GRIN2B: variants seen among roughly 807,000 people sequenced by gnomAD.
GRIN2B encodes glutamate ionotropic receptor NMDA type subunit 2B.
A neutral mutation model predicts 114.5 loss-of-function variants in GRIN2B; 5 were observed. The ratio of observed to expected loss-of-function variants is 0.04; its 90% CI spans 0.02 to 0.09. The LOEUF (loss-of-function observed/expected upper bound fraction) is 0.09. Among genes scored for constraint, GRIN2B ranks in the 10% least tolerant of loss-of-function variants. The pLI, the probability that GRIN2B is intolerant of heterozygous loss-of-function variation, is 1.00. For missense variants in GRIN2B, 1,108 were observed against 1,943.5 expected, an observed-to-expected ratio of 0.57 and a Z score of 8.08; for synonymous variants, 787 against 745.1, an observed-to-expected ratio of 1.06 and a Z score of -0.92.
In GRIN2B at chr12:13,903,421, C is replaced by T. The variant is rs188976406; in HGVS notation, c.-18-37195G>A. On this transcript the variant is annotated intron_variant, in intron 2 of 13. Transcript: ENST00000609686. ...GCAACCTACATATAATGATATGTAG[C>T]ATTTTAGTTATTGTTCAATTCGAAA... is the stretch of plus-strand genomic sequence containing the variant. Among the ~76,000 whole-genome samples the T allele has an allele frequency of 1.4e-3, 210 of 152,126 alleles. 2 individuals carry two copies. The highest frequency in any genetic ancestry group is 0.01 in the Admixed American group (154 of 15,268).
chr12:13,966,919 C>T (rs1867798031), intron 2 of GRIN2B, among the ~76,000 whole-genome samples: 1 of 152,044 alleles, frequency 6.6e-6, no homozygotes, highest in African/African-American at 2.4e-5. Flanking sequence ...GAACATAAAC[C>T]CTGGCACTAT....
At chr12:13,721,937 AAG>A (rs1261097201) in intron 4 of GRIN2B, among the ~76,000 whole-genome samples, 1 of 152,164 alleles carries the variant, frequency 6.6e-6, no homozygotes, top group African/African-American at 2.4e-5. Context: ...GTAAAATCAC[AAG>A]AGTGTAGCTT....
chr12:13,899,987 T>C (rs1055490648), intron 2 of GRIN2B, among the ~76,000 whole-genome samples: 4 of 152,184 alleles, frequency 2.6e-5, no homozygotes, highest in Non-Finnish European at 5.9e-5. Context: ...AACAGGCATA[T>C]TTTACCACTC....
At chr12:13,869,065 C>T (rs1434376526) in intron 2 of GRIN2B, among the ~76,000 whole-genome samples, 1 of 152,110 alleles carries the variant, frequency 6.6e-6, no homozygotes, top group Non-Finnish European at 1.5e-5. Flanking sequence ...CCTTTGGGCT[C>T]TCACCATAGC....
intron 5 of GRIN2B, among the ~76,000 whole-genome samples, chr12:13,641,498 C>A (rs1469385411): frequency 6.6e-6 from 1 of 152,016 alleles, no homozygotes; most frequent in African/African-American, 2.4e-5. Context: ...TTCCTTTTGC[C>A]CTTGTCTTTA....
intron 13 of GRIN2B, among the ~76,000 whole-genome samples, chr12:13,566,752 T>C (rs761318280): frequency 1.3e-5 from 2 of 152,188 alleles, no homozygotes; most frequent in Non-Finnish European, 2.9e-5. Flanking sequence ...AAAAGCCAAA[T>C]TTTCCATTTT....
intron 10 of GRIN2B, among the ~76,000 whole-genome samples, chr12:13,604,758 T>C (rs761472791): frequency 6.6e-6 from 1 of 152,188 alleles, no homozygotes; most frequent in Non-Finnish European, 1.5e-5. Context: ...AATTTTAACA[T>C]TTTAAGTATA....
intron 4 of GRIN2B, among the ~76,000 whole-genome samples, chr12:13,706,973 G>A (rs1054618089): frequency 5.3e-5 from 8 of 152,060 alleles, no homozygotes; most frequent in Non-Finnish European, 1.0e-4. Flanking sequence ...CCCAAGCTTG[G>A]CTATAGAGAG....
At chr12:13,860,480 CA>C (rs1214146939) in intron 3 of GRIN2B, among the ~76,000 whole-genome samples, 2 of 152,124 alleles carry the variant, frequency 1.3e-5, no homozygotes, top group African/African-American at 4.8e-5. Context: ...AGGTGTGCGT[CA>C]CCACGCCCAA....
At chr12:13,853,648 C>T (rs1328746992) in intron 3 of GRIN2B, among the ~76,000 whole-genome samples, 2 of 152,168 alleles carry the variant, frequency 1.3e-5, no homozygotes, top group African/African-American at 4.8e-5. Context: ...GTGATAACTC[C>T]AGCTGGAAGT....
intron 2 of GRIN2B, among the ~76,000 whole-genome samples, chr12:13,889,459 A>C (rs1866222176): frequency 6.6e-6 from 1 of 152,252 alleles, no homozygotes; most frequent in Non-Finnish European, 1.5e-5. Context: ...ACCCAGCTTA[A>C]TAACAGTTAG....
intron 2 of GRIN2B, among the ~76,000 whole-genome samples, chr12:13,951,786 C>A (rs914017588): frequency 6.6e-6 from 1 of 152,144 alleles, no homozygotes; most frequent in Non-Finnish European, 1.5e-5. Context: ...GAAACCACAG[C>A]CCTAATAGCA....
At chr12:13,652,262 G>A (rs1385872287) in intron 5 of GRIN2B, among the ~76,000 whole-genome samples, 1 of 151,780 alleles carries the variant, frequency 6.6e-6, no homozygotes, top group African/African-American at 2.4e-5. Flanking sequence ...TGCAGCCTCT[G>A]TGGAGAGGCT....
intron 3 of GRIN2B, among the ~76,000 whole-genome samples, chr12:13,761,178 T>G (rs912117527): frequency 9.2e-5 from 14 of 152,188 alleles, no homozygotes; most frequent in African/African-American, 2.9e-4. Context: ...ATCTGGCAAG[T>G]TTAAGAGCCA....
chr12:13,925,974 G>A (rs1179824661), intron 2 of GRIN2B, among the ~76,000 whole-genome samples: 1 of 152,020 alleles, frequency 6.6e-6, no homozygotes, highest in Non-Finnish European at 1.5e-5. Context: ...GAAAACTAAA[G>A]TACACAGAAA....
At chr12:13,740,174 C>T (rs909514496) in intron 4 of GRIN2B, among the ~76,000 whole-genome samples, 5 of 152,336 alleles carry the variant, frequency 3.3e-5, no homozygotes, top group Admixed American at 1.3e-4. Context: ...ATGGTTTTCA[C>T]TAACATTCTG....
chr12:13,683,313 C>A (rs1360462238), intron 4 of GRIN2B, among the ~76,000 whole-genome samples: 3 of 152,206 alleles, frequency 2.0e-5, no homozygotes. Flanking sequence ...AACACACGTA[C>A]ACACTCATAC....
chr12:13,818,060 T>C (rs1260018644), intron 3 of GRIN2B, among the ~76,000 whole-genome samples: 1 of 152,216 alleles, frequency 6.6e-6, no homozygotes, highest in African/African-American at 2.4e-5. Flanking sequence ...TGGAGTACTG[T>C]CTGGGCAGTG....
At chr12:13,607,792 G>T (rs755155233) in intron 10 of GRIN2B, among the ~76,000 whole-genome samples, 36 of 151,996 alleles carry the variant, frequency 2.4e-4, no homozygotes, top group Non-Finnish European at 2.9e-4. Context: ...AAAATTTGTT[G>T]TAAGCGCAAG....
Sources: gnomAD v4.1 joint callset for allele counts (sites outside exome capture counted in the v4.1 genomes callset) on GRCh38, gnomAD v4.1.1 for gene constraint, MANE v1.5 for transcripts, NCBI Gene and HGNC (gene_info 2026-07-23, HGNC 2026-07-21) for gene names.